Variants in ATRNL1 observed in about 807,000 individuals in gnomAD.
The protein encoded by ATRNL1 is attractin like 1.
A neutral mutation model predicts 182.7 loss-of-function variants in ATRNL1; 95 were observed. The ratio of observed to expected loss-of-function variants is 0.52; its 90% CI spans 0.44 to 0.62. The LOEUF (loss-of-function observed/expected upper bound fraction) is 0.62. ATRNL1 is among the 20% of genes least tolerant of loss of function. The pLI is 0.00. For missense variants in ATRNL1, 1,471 were observed against 1,679.5 expected, an observed-to-expected ratio of 0.88 and a Z score of 2.17; for synonymous variants, 576 against 568.3, an observed-to-expected ratio of 1.01 and a Z score of -0.19.
rs78735576 is a variant in ATRNL1 at position 115,234,991 on chromosome 10, G to A, written c.1533-6580G>A. On this transcript the variant is annotated intron_variant, in intron 9 of 28. Coordinates refer to ENST00000355044, the MANE Select transcript of ATRNL1 (RefSeq NM_207303.4). The stretch of plus-strand genomic sequence containing the variant: ...ATACTTTTTTCCTTACTGAGTTTGG[G>A]TATCTTTTCCTGATCCAGGATTACA... Among the ~76,000 whole-genome samples, 20 of 152,096 alleles carry A rather than the reference G, an allele frequency of 1.3e-4. No homozygotes were observed. In the East Asian group the frequency reaches 3.5e-3, roughly 26 times the overall value.
chr10:115,430,418 T>C lies in ATRNL1; in HGVS notation c.3322+4116T>C, dbSNP rs562803447. ...TATATTTGCTATAGTATTTTAAAATTATCATTTTTTTACAGAATTTATGAA... is the reference window on the plus strand; with the variant it reads ...TATATTTGCTATAGTATTTTAAAATCATCATTTTTTTACAGAATTTATGAA... On this transcript the variant is annotated intron_variant, in intron 21 of 28. Transcript: ENST00000355044. Among the ~76,000 whole-genome samples the C allele has an allele frequency of 3.3e-5, 5 of 152,268 alleles. No homozygotes were observed. In the East Asian group the frequency reaches 9.6e-4, roughly 29 times the overall value.
At chr10:115,273,706 A>T (rs1851975002) in intron 13 of ATRNL1, among the ~76,000 whole-genome samples, 1 of 152,204 alleles carries the variant, frequency 6.6e-6, no homozygotes, top group South Asian at 2.1e-4. Flanking sequence ...CTGTAAATGA[A>T]ACCAGTCTTC....
intron 19 of ATRNL1, among the ~76,000 whole-genome samples, chr10:115,349,378 G>A (rs1856125399): frequency 1.3e-5 from 2 of 152,284 alleles, no homozygotes; most frequent in South Asian, 4.1e-4. Flanking sequence ...ACACCTAGGT[G>A]GATTCCAAAT....
chr10:115,942,062 A>G (rs1555124425), intron 28 of ATRNL1, among the ~76,000 whole-genome samples: 4 of 152,218 alleles, frequency 2.6e-5, no homozygotes, highest in Non-Finnish European at 1.5e-5. Flanking sequence ...GCTTAGCCAG[A>G]GCTTATTATA....
intron 13 of ATRNL1, among the ~76,000 whole-genome samples, chr10:115,280,465 A>T (rs1852310579): frequency 6.6e-6 from 1 of 152,164 alleles, no homozygotes; most frequent in South Asian, 2.1e-4. Flanking sequence ...TCTTCTTGGG[A>T]AAGCTTTCAT....
Position 115,161,098 on chromosome 10 carries a change from T to C in ATRNL1, c.1004+884T>C, listed in dbSNP as rs1554883165. Among the ~76,000 whole-genome samples the C allele has an allele frequency of 2.0e-5, 3 of 152,088 alleles. No individual in the cohort carries two copies. The East Asian group carries it at 5.8e-4, about 29-fold the overall frequency. Reference sequence around the variant, plus strand: ...TGGGTCATTCTTTAACAAAAAATTGTTTGTTGTTTATCTGAATTCAAATTT... The same window carrying C: ...TGGGTCATTCTTTAACAAAAAATTGCTTGTTGTTTATCTGAATTCAAATTT... On this transcript the variant is annotated intron_variant, in intron 6 of 28. Coordinates refer to ENST00000355044, the MANE Select transcript of ATRNL1 (RefSeq NM_207303.4).
chr10:115,601,470 G>A (rs1238693059), intron 26 of ATRNL1, among the ~76,000 whole-genome samples: 2 of 152,150 alleles, frequency 1.3e-5, no homozygotes, highest in East Asian at 1.9e-4. Context: ...AAAGAGAAGT[G>A]TTGAAATATC....
chr10:115,437,640 T>C lies in ATRNL1; in HGVS notation c.3322+11338T>C, dbSNP rs544555428. Among the ~76,000 whole-genome samples the C allele has an allele frequency of 5.3e-5, 8 of 152,170 alleles. No individual in the cohort carries two copies. In the East Asian group the frequency reaches 1.5e-3, roughly 29 times the overall value. On this transcript the variant is annotated intron_variant, in intron 21 of 28. Transcript: ENST00000355044. ...GACTCTCGATATTGTTGTCAAAGTC[T>C]GTATGTATCCTTTATAGACTCCTCA...
chr10:115,498,692 A>G (rs539866089), intron 24 of ATRNL1, among the ~76,000 whole-genome samples: 66 of 151,754 alleles, frequency 4.3e-4, no homozygotes, highest in Non-Finnish European at 8.0e-4. Flanking sequence ...AAATATAAAT[A>G]TGGATATCAA....
At chr10:115,811,534 T>A (rs552096467) in intron 27 of ATRNL1, among the ~76,000 whole-genome samples, 10 of 152,154 alleles carry the variant, frequency 6.6e-5, no homozygotes, top group Non-Finnish European at 1.5e-5. Context: ...TCTTACTGAT[T>A]CTTCCTCAGA....
At chr10:115,924,525 T>C (rs1210784590) in intron 28 of ATRNL1, among the ~76,000 whole-genome samples, 2 of 152,176 alleles carry the variant, frequency 1.3e-5, no homozygotes, top group African/African-American at 4.8e-5. Flanking sequence ...CCATTGCCTG[T>C]TTTTGTCAGG....
chr10:115,792,875 A>T (rs1287841035), intron 27 of ATRNL1, among the ~76,000 whole-genome samples: 3 of 151,744 alleles, frequency 2.0e-5, no homozygotes, highest in Non-Finnish European at 4.4e-5. Context: ...TGAAATATCT[A>T]TTTTCAGTTT....
At chr10:115,318,877 ATGTCTCT>A (rs1854440703) in intron 18 of ATRNL1, among the ~76,000 whole-genome samples, 2 of 151,912 alleles carry the variant, frequency 1.3e-5, no homozygotes, top group African/African-American at 4.8e-5. Flanking sequence ...AGGGTTTTTC[ATGTCTCT>A]ATCTCTTTTA....
chr10:115,655,631 GAAC>G (rs1407500035), intron 26 of ATRNL1, among the ~76,000 whole-genome samples: 3 of 152,064 alleles, frequency 2.0e-5, no homozygotes, highest in Middle Eastern at 3.2e-3. Context: ...GTGGCAGCAA[GAAC>G]AACAAGCCAC....
chr10:115,314,545 T>C (rs1340238327), intron 17 of ATRNL1, among the ~76,000 whole-genome samples: 18 of 152,206 alleles, frequency 1.2e-4, no homozygotes, highest in Admixed American at 1.0e-3. Context: ...ATGCCGTGTA[T>C]GTCTGTCAGT....
At chr10:115,832,867 A>C (rs182479357) in intron 27 of ATRNL1, among the ~76,000 whole-genome samples, 3 of 152,278 alleles carry the variant, frequency 2.0e-5, no homozygotes, top group Admixed American at 2.0e-4. Flanking sequence ...CCCAGCTCTG[A>C]CAAGATCATG....
chr10:115,403,725 T>C (rs1844692215), intron 20 of ATRNL1, among the ~76,000 whole-genome samples: 1 of 152,228 alleles, frequency 6.6e-6, no homozygotes, highest in South Asian at 2.1e-4. Flanking sequence ...GTCCTGGGAT[T>C]ACAGGCATGA....
At chr10:115,917,623 T>C (rs17354968) in intron 28 of ATRNL1, among the ~76,000 whole-genome samples, 24,819 of 152,170 alleles carry the variant, frequency 0.16, 2,392 homozygotes, top group Non-Finnish European at 0.22. Flanking sequence ...AGAGAGGTTA[T>C]TTAAATGGAT....
chr10:115,168,376 T>C (rs1304638911), intron 7 of ATRNL1, among the ~76,000 whole-genome samples: 4 of 152,264 alleles, frequency 2.6e-5, no homozygotes, highest in Non-Finnish European at 4.4e-5. Context: ...ATTCACTTTT[T>C]GAAGAACTGA....
Sources: gnomAD v4.1 joint callset for allele counts (sites outside exome capture counted in the v4.1 genomes callset) on GRCh38, gnomAD v4.1.1 for gene constraint, MANE v1.5 for transcripts, NCBI Gene and HGNC (gene_info 2026-07-23, HGNC 2026-07-21) for gene names.